Variants in APP observed in about 807,000 individuals in gnomAD.
APP encodes amyloid beta precursor protein.
In APP, 31 loss-of-function variants were observed where a neutral mutation model predicts 101.4. That is an observed-to-expected ratio of 0.31 (90% CI 0.23 to 0.41). The LOEUF (loss-of-function observed/expected upper bound fraction) is 0.41. Among genes scored for constraint, APP ranks in the 10% least tolerant of loss-of-function variants. The pLI, the probability that APP is intolerant of heterozygous loss-of-function variation, is 1.00. For synonymous variants in APP, 366 were observed against 364.4 expected (o/e 1.00, Z -0.05); for missense variants, 839 against 1,003.7 (o/e 0.84, Z 2.22).
chr21:25,945,724 GGTCTT>G (rs2040786260), intron 13 of APP: 1 of 327,332 alleles, frequency 3.1e-6, no homozygotes, highest in African/African-American at 2.2e-5. Context: ...TTTGAGACAG[GGTCTT>G]GCTCTATTGC....
intron 1 of APP, among the ~76,000 whole-genome samples, chr21:26,144,903 C>T (rs1166395126): frequency 6.6e-6 from 1 of 152,156 alleles, no homozygotes; most frequent in African/African-American, 2.4e-5. Context: ...GCTTCCAGTA[C>T]TTTCAAAAGC....
chr21:26,084,307 C>G (rs1176667333), intron 3 of APP, among the ~76,000 whole-genome samples: 1 of 141,692 alleles, frequency 7.1e-6, no homozygotes, highest in African/African-American at 2.7e-5. Flanking sequence ...GGCGCGATCT[C>G]GGCTCACGGC....
chr21:26,071,760 C>T (rs891633560), intron 3 of APP, among the ~76,000 whole-genome samples: 3 of 152,118 alleles, frequency 2.0e-5, no homozygotes, highest in African/African-American at 7.2e-5. Context: ...GGTGATTTAC[C>T]ATTTTCAGGC....
chr21:26,010,556 A>AC (rs894990819), intron 6 of APP, among the ~76,000 whole-genome samples: 10 of 151,978 alleles, frequency 6.6e-5, no homozygotes, highest in African/African-American at 1.2e-4. Flanking sequence ...ATGCCTGTAA[A>AC]CCCAGCACTT....
chr21:26,024,285 A>G (rs2044472515), intron 5 of APP, among the ~76,000 whole-genome samples: 1 of 151,738 alleles, frequency 6.6e-6, no homozygotes, highest in African/African-American at 2.4e-5. Flanking sequence ...AAAAGCTGCT[A>G]TGCTGACATT....
intron 2 of APP, among the ~76,000 whole-genome samples, chr21:26,103,453 A>G (rs977639568): frequency 2.8e-5 from 3 of 105,572 alleles, no homozygotes; most frequent in African/African-American, 1.1e-4. Context: ...TACAAAAATT[A>G]GCCACATGTG....
At chr21:25,934,947 C>CA (rs1569076126) in intron 13 of APP, 1 of 152,258 alleles carries the variant, frequency 6.6e-6, no homozygotes, top group African/African-American at 2.4e-5. Flanking sequence ...GGCTGCATGA[C>CA]TTATCCTGAG....
Position 26,105,087 on chromosome 21 carries a change from A to AAAG in APP, c.225+6889_225+6891dup, listed in dbSNP as rs1472121482. ...TTTTTTCAAAAAAAAAAAAAAAAAAAAAGAAGAAGAATTTGCCCAATGACA... is the reference window on the plus strand; with the variant it reads ...TTTTTTCAAAAAAAAAAAAAAAAAAAAAGAAGAAGAAGAATTTGCCCAATGACA... On this transcript the variant is annotated intron_variant, in intron 2 of 17. Transcript: ENST00000346798. Among the ~76,000 whole-genome samples, 415 of 131,692 alleles carry AAAG rather than the reference A, an allele frequency of 3.2e-3. 14 individuals are homozygous for AAAG. The highest frequency in any genetic ancestry group is 5.2e-3 in the East Asian group (22 of 4,258). The allele number at this position is 131,692 out of a possible 152,430, so 86.4% of individuals were successfully genotyped here.
At chr21:26,011,368 G>A (rs765098856) in intron 6 of APP, among the ~76,000 whole-genome samples, 10 of 152,028 alleles carry the variant, frequency 6.6e-5, no homozygotes, top group Non-Finnish European at 1.3e-4. Flanking sequence ...GAGCCACCAC[G>A]CCTGGGCTTC....
At chr21:25,935,960 C>G (rs184147519) in intron 13 of APP, among the ~76,000 whole-genome samples, 17 of 151,646 alleles carry the variant, frequency 1.1e-4, no homozygotes, top group Non-Finnish European at 2.4e-4. Context: ...CAGACCACAA[C>G]CTCGTTTTAA....
chr21:26,010,585 G>A (rs1303854277), intron 6 of APP, among the ~76,000 whole-genome samples: 2 of 151,982 alleles, frequency 1.3e-5, no homozygotes, highest in Admixed American at 6.6e-5. Context: ...CGAGATGGAT[G>A]GATCACTTGA....
intron 13 of APP, among the ~76,000 whole-genome samples, chr21:25,953,348 T>TA (rs2041173810): frequency 6.6e-6 from 1 of 152,126 alleles, no homozygotes; most frequent in South Asian, 2.1e-4. Flanking sequence ...ATACAAACAA[T>TA]ATTTACAAGG....
At chr21:26,032,173 T>C (rs922672884) in intron 5 of APP, among the ~76,000 whole-genome samples, 16 of 152,220 alleles carry the variant, frequency 1.1e-4, no homozygotes, top group African/African-American at 3.9e-4. Context: ...ATTTTTCCTC[T>C]TCCAACAAGC....
chr21:25,905,545 T>C (rs758872831), intron 14 of APP, among the ~76,000 whole-genome samples: 18 of 152,208 alleles, frequency 1.2e-4, no homozygotes, highest in Non-Finnish European at 5.9e-5. Flanking sequence ...AGTGCAAATA[T>C]GAATTTATCA....
At chr21:26,007,205 G>C (rs1568845618) in intron 6 of APP, among the ~76,000 whole-genome samples, 1 of 151,418 alleles carries the variant, frequency 6.6e-6, no homozygotes, top group African/African-American at 2.4e-5. Flanking sequence ...ATTTTAAGTA[G>C]AGTAAAAAGG....
At chr21:26,121,631 C>T (rs1053904116) in intron 1 of APP, among the ~76,000 whole-genome samples, 7 of 152,068 alleles carry the variant, frequency 4.6e-5, no homozygotes, top group South Asian at 2.1e-4. Flanking sequence ...CGTGAGCCAC[C>T]GCGCCTGGCC....
chr21:26,074,521 C>T (rs576603476), intron 3 of APP, among the ~76,000 whole-genome samples: 4 of 152,186 alleles, frequency 2.6e-5, no homozygotes, highest in Non-Finnish European at 5.9e-5. Flanking sequence ...TAGGCCGAGG[C>T]GGGCAGATCT....
intron 2 of APP, among the ~76,000 whole-genome samples, chr21:26,101,971 A>G (rs1242832905): frequency 1.3e-5 from 2 of 151,930 alleles, no homozygotes; most frequent in Non-Finnish European, 2.9e-5. Context: ...TATAGACTAA[A>G]TTTGCCTGTA....
At chr21:25,991,188 G>C (rs560234152) in intron 8 of APP, among the ~76,000 whole-genome samples, 2 of 152,032 alleles carry the variant, frequency 1.3e-5, no homozygotes, top group African/African-American at 4.8e-5. Flanking sequence ...GGAGGAGAGG[G>C]ATAAAAAACT....
Sources: gnomAD v4.1 joint callset for allele counts (sites outside exome capture counted in the v4.1 genomes callset) on GRCh38, gnomAD v4.1.1 for gene constraint, MANE v1.5 for transcripts, NCBI Gene and HGNC (gene_info 2026-07-23, HGNC 2026-07-21) for gene names.